FBXL4: variants seen among roughly 807,000 people sequenced by gnomAD.
FBXL4 encodes F-box and leucine rich repeat protein 4, also known as F-box/LRR-repeat protein 4.
FBXL4 carries 40 observed loss-of-function variants against 58.9 expected under a neutral mutation model. That is an observed-to-expected ratio of 0.68 (90% CI 0.53 to 0.88). The LOEUF is 0.88. Among genes scored for constraint, FBXL4 ranks in the 40% least tolerant of loss-of-function variants. FBXL4 has a pLI of 0.00. For synonymous variants in FBXL4, 263 were observed against 265.5 expected, an observed-to-expected ratio of 0.99 and a Z score of 0.09; for missense variants, 676 against 734.4, an observed-to-expected ratio of 0.92 and a Z score of 0.92.
In FBXL4 at chr6:98,917,752, T is replaced by G. The variant is rs769621421; in HGVS notation, c.513-33A>C. 4 of 1,501,434 alleles carry G rather than the reference T, an allele frequency of 2.7e-6. No homozygotes were observed. In the Admixed American group the frequency reaches 8.2e-5, roughly 31 times the overall value. The allele number at this position is 1,501,434 out of a possible 1,614,324, so 93.0% of individuals were successfully genotyped here. On this transcript the variant is annotated intron_variant, in intron 4 of 9. Coordinates refer to ENST00000369244, the MANE Select transcript of FBXL4 (RefSeq NM_001278716.2). ...AAAAAGAAACTTCCCTATAATACAG[T>G]TTAGAATGAGATCTACTGGTCCCTT...
rs2128389263 is a variant in FBXL4 at position 98,899,326 on chromosome 6, T to C, written c.1259A>G (p.Asn420Ser). 1.2e-6 allele frequency: 2 copies of C among 1,614,044 alleles called. No homozygotes were observed. The highest frequency in any genetic ancestry group is 4.5e-5 in the East Asian group (2 of 44,854). ...AAGGCTGCATAACTTGGCAATGTGGTTGAAAGCTTGAGGTGGTAGCTTATC... is the reference window on the plus strand; with the variant it reads ...AAGGCTGCATAACTTGGCAATGTGGCTGAAAGCTTGAGGTGGTAGCTTATC... ...SCDKLPPQAF[N>S]HIAKLCSLKR... The change falls in exon 7 of 10, where the codon AAC (asparagine) becomes AGC (serine). Residue 420 changes from asparagine (N) to serine (S), a missense_variant. Coordinates refer to ENST00000369244, the MANE Select transcript of FBXL4 (RefSeq NM_001278716.2).
intron 6 of FBXL4, among the ~76,000 whole-genome samples, chr6:98,900,550 A>G (rs1771568532): frequency 6.6e-6 from 1 of 152,220 alleles, no homozygotes; most frequent in African/African-American, 2.4e-5. Context: ...CTCAAGTCTT[A>G]GCATTTCCTC....
intron 1 of FBXL4, among the ~76,000 whole-genome samples, chr6:98,936,831 T>C (rs912089798): frequency 6.6e-6 from 1 of 152,232 alleles, no homozygotes. Flanking sequence ...AACCTTCATG[T>C]TGTTTGAGGA....
chr6:98,932,568 C>G (rs1435808916), intron 2 of FBXL4, among the ~76,000 whole-genome samples: 1 of 152,040 alleles, frequency 6.6e-6, no homozygotes, highest in Non-Finnish European at 1.5e-5. Context: ...GATGGGGAAT[C>G]GATGAGGCGG....
intron 7 of FBXL4, among the ~76,000 whole-genome samples, chr6:98,881,453 A>C (rs1042421675): frequency 1.3e-5 from 2 of 152,102 alleles, no homozygotes; most frequent in Admixed American, 6.5e-5. Flanking sequence ...AAAATATCTT[A>C]TACATTTTTA....
rs1370066802 is a variant in FBXL4, at chr6:98,870,662, G to GA, written c.*3615dup. ...GCTTACCCATAACATCAAAACAAGA[G>GA]AAAAAAAGAAAAGTAGACTTGAAGT... On this transcript the variant is annotated 3_prime_UTR_variant, in exon 10 of 10. Coordinates refer to ENST00000369244, the MANE Select transcript of FBXL4 (RefSeq NM_001278716.2). The GA allele has an allele frequency of 6.6e-6, 1 of 151,718 alleles. No homozygotes were observed. Among genetic ancestry groups the GA allele is most frequent in the Non-Finnish European group, 1.5e-5 (1 of 67,928 alleles). 9.4% of individuals were successfully genotyped at this position (151,718 alleles called of 1,614,324 possible). A position where few individuals can be genotyped will look rare whatever the true frequency, so the allele number is the denominator to read the frequency against.
At chr6:98,935,787 C>G (rs1773193746) in intron 1 of FBXL4, among the ~76,000 whole-genome samples, 1 of 77,808 alleles carries the variant, frequency 1.3e-5, no homozygotes. Flanking sequence ...CAGAGCGAGA[C>G]TCCGTCTCAA....
At chr6:98,898,274 A>G in intron 7 of FBXL4, 1 of 984,452 alleles carries the variant, frequency 1.0e-6, no homozygotes, top group Non-Finnish European at 1.2e-6. Context: ...AAGAAGGCCA[A>G]TATGCATGCA....
At chr6:98,907,470 A>G (rs1400350480) in intron 5 of FBXL4, among the ~76,000 whole-genome samples, 1 of 152,198 alleles carries the variant, frequency 6.6e-6, no homozygotes, top group Admixed American at 6.5e-5. Context: ...AAACAGATAC[A>G]AGAATTATTA....
intron 1 of FBXL4, among the ~76,000 whole-genome samples, chr6:98,946,332 A>G (rs992834332): frequency 1.3e-5 from 2 of 152,240 alleles, no homozygotes; most frequent in Admixed American, 6.5e-5. Flanking sequence ...CTTATCTCAC[A>G]TTAAATATAA....
At chr6:98,941,199 T>C (rs1773419084) in intron 1 of FBXL4, among the ~76,000 whole-genome samples, 1 of 151,702 alleles carries the variant, frequency 6.6e-6, no homozygotes, top group African/African-American at 2.4e-5. Flanking sequence ...TGTACAGTGT[T>C]ACATCCATAC....
chr6:98,904,229 A>G (rs868843127), intron 6 of FBXL4, among the ~76,000 whole-genome samples: 3 of 152,154 alleles, frequency 2.0e-5, no homozygotes, highest in African/African-American at 7.2e-5. Context: ...TGTTTGGGGC[A>G]AAGGGAAGTA....
chr6:98,943,782 G>A (rs1218785865), intron 1 of FBXL4, among the ~76,000 whole-genome samples: 1 of 152,050 alleles, frequency 6.6e-6, no homozygotes, highest in Non-Finnish European at 1.5e-5. Flanking sequence ...AAAACTGACA[G>A]AGAGGCAAAA....
At chr6:98,929,021 G>A (rs761099223) in intron 2 of FBXL4, among the ~76,000 whole-genome samples, 97 of 152,080 alleles carry the variant, frequency 6.4e-4, no homozygotes, top group Admixed American at 1.7e-3. Flanking sequence ...TTGAAGGAGG[G>A]AATCTAGCCA....
chr6:98,946,856 G>GA (rs1773638179), intron 1 of FBXL4, among the ~76,000 whole-genome samples: 1 of 152,204 alleles, frequency 6.6e-6, no homozygotes, highest in Non-Finnish European at 1.5e-5. Flanking sequence ...GACTCTGGAT[G>GA]AATCTCTCTC....
At chr6:98,891,487 G>A (rs1250682692) in intron 7 of FBXL4, among the ~76,000 whole-genome samples, 2 of 152,166 alleles carry the variant, frequency 1.3e-5, no homozygotes, top group African/African-American at 2.4e-5. Flanking sequence ...TTTTATCACT[G>A]TATTGGATCT....
rs1772796499 is a variant in FBXL4 at position 98,926,754 on chromosome 6, C to A, written c.235G>T (p.Ala79Ser). The A allele has an allele frequency of 6.2e-7, 1 of 1,614,032 alleles. No individual in the cohort carries two copies. Among genetic ancestry groups the A allele is most frequent in the African/African-American group, 1.3e-5 (1 of 74,906 alleles). Residue 79 changes from alanine (A) to serine (S), a missense_variant, in exon 4 of 10, where the codon GCT becomes TCT. By Grantham distance (99) the Ala-to-Ser change is moderately conservative. Transcript: ENST00000369244. The stretch of plus-strand genomic sequence containing the variant: ...CTTGGGAATACATTTGGTACACCAG[C>A]CAAATTCCACATAGTATAGGACATA... The part of the protein sequence containing the change: ...NSMSYTMWNL[A>S]GVPNVFPSSG...
At chr6:98,935,439 C>A (rs544669373) in intron 1 of FBXL4, among the ~76,000 whole-genome samples, 3 of 151,886 alleles carry the variant, frequency 2.0e-5, no homozygotes, top group Non-Finnish European at 2.9e-5. Context: ...GAAATAGATT[C>A]CACTGTTATA....
chr6:98,875,171 G>C (rs1770611740), intron 9 of FBXL4: 1 of 496,522 alleles, frequency 2.0e-6, no homozygotes, highest in Non-Finnish European at 3.6e-6. Flanking sequence ...AGAATTAATG[G>C]TTATAGTTTT....
Sources: gnomAD v4.1 joint callset for allele counts (sites outside exome capture counted in the v4.1 genomes callset) on GRCh38, gnomAD v4.1.1 for gene constraint, MANE v1.5 for transcripts, NCBI Gene and HGNC (gene_info 2026-07-23, HGNC 2026-07-21) for gene names.